The following GPD2 variants were observed in gnomAD, a reference collection of about 807,000 sequenced individuals.
GPD2 encodes the protein glycerol-3-phosphate dehydrogenase, mitochondrial.
Under a neutral mutation model 82.4 loss-of-function variants are expected in GPD2, and 54 were observed. That is an observed-to-expected ratio of 0.66 (90% confidence interval 0.53 to 0.82). The LOEUF is 0.82. Ranked by LOEUF, GPD2 falls within the 40% of genes least tolerant of loss-of-function variation. The probability of loss-of-function intolerance (pLI) is 0.00; values close to 1 mark genes in which losing one functional copy is unlikely to be tolerated. For missense variants in GPD2, 748 were observed against 896.2 expected (o/e 0.83, Z 2.11); for synonymous variants, 288 against 306.1 (o/e 0.94, Z 0.62).
In GPD2 at chr2:156,514,737, A is replaced by G. The variant is rs147931879; in HGVS notation, c.661+1241A>G. Reference sequence around the variant, plus strand: ...GTAAACATTAAAAGCTAGAAAATTCACAGTTTACAGTGCTTCCGAGCATCT... The same window carrying G: ...GTAAACATTAAAAGCTAGAAAATTCGCAGTTTACAGTGCTTCCGAGCATCT... On this transcript the variant is annotated intron_variant, in intron 6 of 16. Transcript: ENST00000438166. Among the ~76,000 whole-genome samples, 353 of 152,272 alleles carry G rather than the reference A, an allele frequency of 2.3e-3. 1 individual carries two copies. The highest frequency in any genetic ancestry group is 8.2e-3 in the African/African-American group (340 of 41,564).
At chr2:156,472,128 G>C (rs1480116760) in intron 1 of GPD2, among the ~76,000 whole-genome samples, 1 of 151,848 alleles carries the variant, frequency 6.6e-6, no homozygotes, top group African/African-American at 2.4e-5. Context: ...AAAGATTTGT[G>C]TATATTTTTG....
chr2:156,529,795 T>A (rs1372761021), intron 6 of GPD2, among the ~76,000 whole-genome samples: 19 of 152,102 alleles, frequency 1.2e-4, no homozygotes, highest in African/African-American at 3.9e-4. Context: ...TCCATTGATC[T>A]ATATCTCTGT....
the GPD2 span, among the ~76,000 whole-genome samples, chr2:156,414,848 G>A: frequency 7.9e-5 from 12 of 151,912 alleles, no homozygotes; most frequent in Non-Finnish European, 1.5e-4. Context: ...AACAATAACA[G>A]CTCTAAAAGG....
the GPD2 span, among the ~76,000 whole-genome samples, chr2:156,400,757 T>G: frequency 1.3e-5 from 2 of 152,216 alleles, no homozygotes; most frequent in African/African-American, 4.8e-5. Flanking sequence ...ACCAGAAATA[T>G]GCTTTCGGCT....
At chr2:156,408,081 G>C in the GPD2 span, among the ~76,000 whole-genome samples, 1 of 149,442 alleles carries the variant, frequency 6.7e-6, no homozygotes, top group East Asian at 2.0e-4. Context: ...TCAGCCTCCC[G>C]AGGAGCTGAG....
intron 1 of GPD2, among the ~76,000 whole-genome samples, chr2:156,451,545 G>A (rs1227569152): frequency 2.3e-5 from 3 of 132,992 alleles, no homozygotes; most frequent in African/African-American, 2.8e-5. Flanking sequence ...CCTCCCAGAC[G>A]GGGCGGCTGG....
At chr2:156,542,601 A>G (rs912804743) in intron 6 of GPD2, among the ~76,000 whole-genome samples, 1 of 152,202 alleles carries the variant, frequency 6.6e-6, no homozygotes, top group African/African-American at 2.4e-5. Flanking sequence ...GAAAGAAAAA[A>G]TCAACTTTGC....
chr2:156,429,212 T>A, the GPD2 span, among the ~76,000 whole-genome samples: 3 of 152,374 alleles, frequency 2.0e-5, no homozygotes, highest in Admixed American at 2.0e-4. Context: ...ACTGAACAAA[T>A]CTCCAGTTTC....
intron 8 of GPD2, among the ~76,000 whole-genome samples, chr2:156,557,182 T>C (rs945397779): frequency 2.6e-5 from 4 of 152,202 alleles, no homozygotes; most frequent in Admixed American, 6.5e-5. Flanking sequence ...AATATTGTTA[T>C]CATCACATTT....
chr2:156,500,479 A>T (rs925345225), intron 3 of GPD2, among the ~76,000 whole-genome samples: 23 of 152,136 alleles, frequency 1.5e-4, no homozygotes, highest in Non-Finnish European at 2.9e-5. Flanking sequence ...TCACTTAACA[A>T]CAAATTTTGC....
At chr2:156,562,630 C>T (rs1160983826) in intron 9 of GPD2, among the ~76,000 whole-genome samples, 1 of 152,076 alleles carries the variant, frequency 6.6e-6, no homozygotes, top group Non-Finnish European at 1.5e-5. Context: ...CTAAACCGCA[C>T]ATTTACCTCT....
chr2:156,412,702 C>A, the GPD2 span, among the ~76,000 whole-genome samples: 1 of 152,104 alleles, frequency 6.6e-6, no homozygotes, highest in African/African-American at 2.4e-5. Context: ...AAATGAGAAC[C>A]AATATTGTAA....
At chr2:156,477,695 GT>G (rs755940922) in intron 2 of GPD2, among the ~76,000 whole-genome samples, 3 of 152,126 alleles carry the variant, frequency 2.0e-5, no homozygotes, top group Non-Finnish European at 4.4e-5. Context: ...TATTGATTGG[GT>G]TCATAGTGGA....
At chr2:156,482,065 CA>C (rs1414158646) in intron 2 of GPD2, among the ~76,000 whole-genome samples, 2 of 152,112 alleles carry the variant, frequency 1.3e-5, no homozygotes, top group East Asian at 3.8e-4. Flanking sequence ...AGGAAGCTTT[CA>C]AAAAGTGTTA....
the GPD2 span, among the ~76,000 whole-genome samples, chr2:156,415,935 G>A: frequency 1.0e-5 from 1 of 98,736 alleles, no homozygotes; most frequent in African/African-American, 2.9e-5. Flanking sequence ...GCAGGAGAAT[G>A]GCGTGAACCC....
At chr2:156,400,797 G>A in the GPD2 span, among the ~76,000 whole-genome samples, 3 of 152,220 alleles carry the variant, frequency 2.0e-5, no homozygotes. Context: ...TAGAGCGCGC[G>A]CTTCGCATGT....
intron 16 of GPD2, among the ~76,000 whole-genome samples, chr2:156,581,176 ATAAT>A (rs919694046): frequency 2.1e-4 from 32 of 152,162 alleles, no homozygotes; most frequent in African/African-American, 7.5e-4. Flanking sequence ...TTTTTTTTAA[ATAAT>A]TGAGTATTTT....
At chr2:156,496,762 T>G (rs1684397393) in intron 3 of GPD2, among the ~76,000 whole-genome samples, 1 of 152,128 alleles carries the variant, frequency 6.6e-6, no homozygotes, top group Admixed American at 6.5e-5. Context: ...AAAAACATTT[T>G]TATATCACTT....
intron 6 of GPD2, among the ~76,000 whole-genome samples, chr2:156,514,602 A>G (rs1356475977): frequency 6.6e-6 from 1 of 152,070 alleles, no homozygotes; most frequent in African/African-American, 2.4e-5. Context: ...TTCAGCTGTC[A>G]GGCTTTCATA....
Sources: allele counts gnomAD v4.1 joint callset (sites outside exome capture counted in the v4.1 genomes callset), GRCh38; gene constraint gnomAD v4.1.1; transcripts MANE v1.5; gene names NCBI Gene and HGNC (gene_info 2026-07-23, HGNC 2026-07-21).